ARHGAP29: variants seen among roughly 807,000 people sequenced by gnomAD.
ARHGAP29 encodes the protein Rho GTPase activating protein 29, also known as rho GTPase-activating protein 29.
A neutral mutation model predicts 122.6 loss-of-function variants in ARHGAP29; 43 were observed. The ratio of observed to expected loss-of-function variants is 0.35; its 90% CI spans 0.27 to 0.45. The LOEUF is 0.45. ARHGAP29 is among the 20% of genes least tolerant of loss of function. The probability of loss-of-function intolerance (pLI) is 1.00; values close to 1 mark genes in which losing one functional copy is unlikely to be tolerated. For synonymous variants in ARHGAP29, 506 were observed against 497.1 expected (o/e 1.02, Z -0.24); for missense variants, 1,303 against 1,477.2 (o/e 0.88, Z 1.93).
chr1:94,237,778 G>A (rs879545564), upstream of ARHGAP29: 124 of 985,274 alleles, frequency 1.3e-4, no homozygotes, highest in Non-Finnish European at 1.4e-4. Flanking sequence ...CCAGCATCAC[G>A]GGCTGCGTCG....
the ARHGAP29 span, chr1:94,302,468 C>A: frequency 2.8e-6 from 1 of 357,732 alleles, no homozygotes. Context: ...AGCAATGCCT[C>A]CTGCACCACC....
chr1:94,186,668 C>G (rs1649822710), intron 15 of ARHGAP29, 71 bp from the exon 16 acceptor site: 2 of 1,152,170 alleles, frequency 1.7e-6, no homozygotes, highest in Admixed American at 3.8e-5. Context: ...AATGACAACA[C>G]TTTTGAAATA....
At chr1:94,223,573 C>T (rs182421112) in intron 2 of ARHGAP29, among the ~76,000 whole-genome samples, 7 of 151,844 alleles carry the variant, frequency 4.6e-5, no homozygotes, top group South Asian at 2.1e-4. Context: ...TAATTAATTG[C>T]GGATTTGGCC....
chr1:94,230,696 T>A (rs943507290), intron 2 of ARHGAP29, among the ~76,000 whole-genome samples: 30 of 151,978 alleles, frequency 2.0e-4, no homozygotes, highest in Non-Finnish European at 4.1e-4. Flanking sequence ...ATTATGAATA[T>A]GGAAATGAAA....
rs139424656 is a variant in ARHGAP29 at position 94,264,471 on chromosome 1, ACAGATG to A, written c.-33+10535_-33+10540del. On this transcript the variant is annotated intron_variant and NMD_transcript_variant, in intron 1 of 25. Coordinates refer to the ARHGAP29 transcript ENST00000552844. Reference sequence around the variant, plus strand: ...TGGCTCACAGGCTGAAACCTAAGACACAGATGCTTTGGTGTGTTTGGGCAGTGGTTC... The same window carrying A: ...TGGCTCACAGGCTGAAACCTAAGACACTTTGGTGTGTTTGGGCAGTGGTTC... Among the ~76,000 whole-genome samples, 943 of 152,234 alleles carry A rather than the reference ACAGATG, an allele frequency of 6.2e-3. 14 individuals are homozygous for A. The highest frequency in any genetic ancestry group is 0.022 in the African/African-American group (913 of 41,546).
chr1:94,274,548 C>T (rs528941353), intron 1 of ARHGAP29, among the ~76,000 whole-genome samples: 4 of 152,240 alleles, frequency 2.6e-5, no homozygotes, highest in African/African-American at 7.2e-5. Flanking sequence ...ATATGGTGGT[C>T]ACAGAAACCT....
chr1:94,239,538 T>C (rs1005351456), upstream of ARHGAP29, among the ~76,000 whole-genome samples: 1 of 149,046 alleles, frequency 6.7e-6, no homozygotes, highest in Non-Finnish European at 1.5e-5. Flanking sequence ...GAGACAAATA[T>C]GTGAGAAGGA....
chr1:94,202,302 C>T, intron 11 of ARHGAP29: 1 of 579,194 alleles, frequency 1.7e-6, no homozygotes, highest in African/African-American at 1.9e-5. Context: ...CTTTCACAAA[C>T]TCCAAAATTC....
chr1:94,198,286 GGC>G (rs1650597644), intron 12 of ARHGAP29, among the ~76,000 whole-genome samples: 1 of 152,028 alleles, frequency 6.6e-6, no homozygotes, highest in African/African-American at 2.4e-5. Context: ...CACCAGGTTG[GGC>G]AAACATGGCA....
chr1:94,260,226 A>G (rs2100712873), intron 1 of ARHGAP29, among the ~76,000 whole-genome samples: 1 of 152,292 alleles, frequency 6.6e-6, no homozygotes, highest in Non-Finnish European at 1.5e-5. Context: ...TGCCCTGTCT[A>G]TCTGAGGGGC....
intron 3 of ARHGAP29, among the ~76,000 whole-genome samples, chr1:94,211,905 T>C (rs1444141398): frequency 6.0e-4 from 89 of 148,268 alleles, no homozygotes; most frequent in Non-Finnish European, 9.1e-4. Flanking sequence ...CCCTCCCTCC[T>C]CCCCCAACCC....
At chr1:94,206,416 G>T (rs1356697477) in intron 5 of ARHGAP29, among the ~76,000 whole-genome samples, 1 of 152,144 alleles carries the variant, frequency 6.6e-6, no homozygotes, top group African/African-American at 2.4e-5. Context: ...AACTGATCGA[G>T]GAGACCTGGG....
intron 1 of ARHGAP29, among the ~76,000 whole-genome samples, chr1:94,236,110 C>T (rs1653234287): frequency 6.6e-6 from 1 of 152,160 alleles, no homozygotes; most frequent in Non-Finnish European, 1.5e-5. Flanking sequence ...TGAGCTCATC[C>T]TAAAACGATG....
At chr1:94,177,431 A>G in intron 22 of ARHGAP29, 181 bp downstream of exon 22, 1 of 450,884 alleles carries the variant, frequency 2.2e-6, no homozygotes, top group East Asian at 3.4e-5. Flanking sequence ...ATGAAGAATG[A>G]CATTCATTTA....
intron 1 of ARHGAP29, among the ~76,000 whole-genome samples, chr1:94,262,501 A>G (rs1210042031): frequency 1.3e-5 from 2 of 152,240 alleles, no homozygotes; most frequent in African/African-American, 4.8e-5. Context: ...CAAGCTATGC[A>G]TCTGACAAAG....
intron 2 of ARHGAP29, among the ~76,000 whole-genome samples, chr1:94,221,267 C>T (rs111358676): frequency 7.9e-4 from 120 of 152,166 alleles, no homozygotes; most frequent in African/African-American, 2.8e-3. Flanking sequence ...CCTTTAAAAC[C>T]CCGAAGTAAT....
chr1:94,311,433 G>A, the ARHGAP29 span, among the ~76,000 whole-genome samples: 1 of 151,922 alleles, frequency 6.6e-6, no homozygotes, highest in South Asian at 2.1e-4. Flanking sequence ...ACGTGCCCTC[G>A]ACTGCACCTC....
the ARHGAP29 span, among the ~76,000 whole-genome samples, chr1:94,311,222 GA>G: frequency 6.6e-6 from 1 of 152,160 alleles, no homozygotes. Flanking sequence ...TTCAGTAAGT[GA>G]AAGGTCAAAT....
intron 12 of ARHGAP29, chr1:94,195,841 C>T (rs1570516630): frequency 6.6e-6 from 1 of 151,620 alleles, no homozygotes; most frequent in African/African-American, 2.4e-5. Flanking sequence ...CAAAAGAAAA[C>T]TGGAATAACA....
Sources: allele counts gnomAD v4.1 joint callset (sites outside exome capture counted in the v4.1 genomes callset), GRCh38; gene constraint gnomAD v4.1.1; transcripts MANE v1.5; gene names NCBI Gene and HGNC (gene_info 2026-07-23, HGNC 2026-07-21).